MAP3K15: variants seen among roughly 807,000 people sequenced by gnomAD.
MAP3K15 encodes the protein MAPK/ERK kinase kinase 15.
A neutral mutation model predicts 99.5 loss-of-function variants in MAP3K15; 124 were observed. The observed-to-expected ratio is 1.25, with a 90% CI of 1.08 to 1.45. The LOEUF is 1.45. MAP3K15 is among the 40% of genes most tolerant of loss of function. The probability of loss-of-function intolerance (pLI) is 0.00; values close to 1 mark genes in which losing one functional copy is unlikely to be tolerated. For synonymous variants in MAP3K15, 494 were observed against 439.6 expected (o/e 1.12, Z -1.55); for missense variants, 1,242 against 1,079.7 (o/e 1.15, Z -2.11).
At position 19,488,913 on chromosome X, in the gene MAP3K15, T is replaced by C. The variant is rs931290479; in HGVS notation, c.416A>G (p.His139Arg). 4 of 1,199,180 alleles carry C rather than the reference T, an allele frequency of 3.3e-6. No individual in the cohort carries two copies. Among genetic ancestry groups the C allele is most frequent in the Admixed American group, 2.2e-5 (1 of 45,948 alleles). ...DVSRQPSLFY[H>R]LGVRESFDMA... ...GTCAAAGCTTTCTCGGACTCCAAGA[T>C]GGTAGAAGAGGGAAGGCTGTCTGGA... Residue 139 changes from histidine to arginine, a missense_variant, in exon 2 of 29, where the codon CAT becomes CGT. By Grantham distance (29) the His-to-Arg change is conservative (BLOSUM62 0). Coordinates refer to ENST00000338883, the MANE Select transcript of MAP3K15 (RefSeq NM_001001671.4).
intron 16 of MAP3K15, among the ~76,000 whole-genome samples, chrX:19,394,746 AT>A (rs1317684713): frequency 1.1e-5 from 1 of 91,753 alleles, no homozygotes; most frequent in Non-Finnish European, 2.1e-5. Flanking sequence ...CTTATATGAC[AT>A]TTGGAAAGTA....
intron 9 of MAP3K15, among the ~76,000 whole-genome samples, chrX:19,415,596 G>C (rs1033649385): frequency 9.0e-6 from 1 of 111,566 alleles, no homozygotes; most frequent in Non-Finnish European, 1.9e-5. Context: ...AACAACACAG[G>C]TATGAACTGC....
At chrX:19,366,946 G>A (rs1157714273) in intron 25 of MAP3K15, among the ~76,000 whole-genome samples, 1 of 111,732 alleles carries the variant, frequency 8.9e-6, no homozygotes, top group African/African-American at 3.3e-5. Context: ...TGAATTTGGT[G>A]ATTATAAATC....
At chrX:19,441,500 G>C (rs1032106743) in intron 6 of MAP3K15, among the ~76,000 whole-genome samples, 6 of 112,033 alleles carry the variant, frequency 5.4e-5, no homozygotes, top group Admixed American at 2.8e-4. Flanking sequence ...CTTTGAGACA[G>C]GGTTTGGGTC....
At chrX:19,420,713 T>G (rs1489208855) in intron 9 of MAP3K15, among the ~76,000 whole-genome samples, 9 of 111,636 alleles carry the variant, frequency 8.1e-5, no homozygotes, top group Non-Finnish European at 1.3e-4. Flanking sequence ...TACCAAAGCC[T>G]GGCAGAGACA....
At chrX:19,507,575 CAAAAAAAAAAA>C (rs1165492097) in intron 1 of MAP3K15, among the ~76,000 whole-genome samples, 32 of 10,894 alleles carry the variant, frequency 2.9e-3, no homozygotes, top group East Asian at 0.024. Flanking sequence ...CACCTTGTCT[CAAAAAAAAAAA>C]AAAAAAAAAA....
intron 11 of MAP3K15, 111 bp downstream of exon 11, chrX:19,413,246 T>C: frequency 1.9e-6 from 1 of 529,397 alleles, no homozygotes; most frequent in Non-Finnish European, 3.2e-6. Context: ...TACTCTCTCA[T>C]ATATTCTCAT....
intron 1 of MAP3K15, among the ~76,000 whole-genome samples, chrX:19,491,987 CTTTT>C (rs534024822): frequency 1.0e-5 from 1 of 97,416 alleles, no homozygotes; most frequent in African/African-American, 3.7e-5. Context: ...CACCTGGCTA[CTTTT>C]TTTTTTTTTT....
At chrX:19,415,018 T>C (rs2063722037) in intron 10 of MAP3K15, 89 bp downstream of exon 10, 1 of 796,175 alleles carries the variant, frequency 1.3e-6, no homozygotes, top group East Asian at 3.6e-5. Context: ...TCTACAGTTT[T>C]CTTCAGTTCA....
chrX:19,429,114 A>C (rs1278582689), intron 7 of MAP3K15, among the ~76,000 whole-genome samples: 1 of 111,720 alleles, frequency 9.0e-6, no homozygotes, highest in Non-Finnish European at 1.9e-5. Flanking sequence ...GGTAGTGGGA[A>C]ACAAGGCTAG....
At chrX:19,443,676 G>A (rs2063975931) in intron 6 of MAP3K15, among the ~76,000 whole-genome samples, 1 of 111,585 alleles carries the variant, frequency 9.0e-6, no homozygotes, top group Admixed American at 9.5e-5. Flanking sequence ...CGGGGGCACA[G>A]CATATGCTAA....
At chrX:19,389,341 A>G (rs1223834468) in intron 18 of MAP3K15, among the ~76,000 whole-genome samples, 2 of 107,899 alleles carry the variant, frequency 1.9e-5, no homozygotes, top group African/African-American at 3.4e-5. Context: ...GACCCTGGCT[A>G]TAACAGCCCT....
intron 3 of MAP3K15, among the ~76,000 whole-genome samples, chrX:19,473,646 G>C (rs1696020660): frequency 8.9e-6 from 1 of 111,744 alleles, no homozygotes; most frequent in Non-Finnish European, 1.9e-5. Context: ...TATAGTAAGT[G>C]AAGTCAGAGG....
At position 19,364,082 on chromosome X, in the gene MAP3K15, A is replaced by G. The variant is rs780533548; in HGVS notation, c.3567-1232T>C. ...CCCAGAATCCAGGACTGTGCCAAAC[A>G]CTGCATGAATTCAGTCACTGAAGCC... On this transcript the variant is annotated intron_variant, in intron 25 of 28. Coordinates refer to ENST00000338883, the MANE Select transcript of MAP3K15 (RefSeq NM_001001671.4). 2.7e-5 allele frequency among the ~76,000 whole-genome samples: 3 copies of G among 112,000 alleles called. No individual in the cohort carries two copies. The South Asian group carries it at 1.1e-3, about 41-fold the overall frequency.
At chrX:19,484,319 C>G (rs7884267) in intron 3 of MAP3K15, among the ~76,000 whole-genome samples, 21 of 111,181 alleles carry the variant, frequency 1.9e-4, no homozygotes, top group African/African-American at 5.6e-4. Context: ...GTGCTCCTTA[C>G]GAGAATCTAA....
chrX:19,476,229 C>CACTACTCAAGATGA (rs1488066358), intron 3 of MAP3K15, among the ~76,000 whole-genome samples: 3 of 111,908 alleles, frequency 2.7e-5, no homozygotes, highest in African/African-American at 9.8e-5. Context: ...AGCCACTTAA[C>CACTACTCAAGATGA]ACTACTCAAG....
chrX:19,506,626 G>A (rs757343173), intron 1 of MAP3K15, among the ~76,000 whole-genome samples: 195 of 111,345 alleles, frequency 1.8e-3, no homozygotes, highest in Non-Finnish European at 3.0e-3. Flanking sequence ...GGGTTCAAGC[G>A]ATTCTCCTGC....
At chrX:19,508,189 C>T (rs748605316) in intron 1 of MAP3K15, among the ~76,000 whole-genome samples, 12 of 110,474 alleles carry the variant, frequency 1.1e-4, no homozygotes, top group South Asian at 3.8e-4. Context: ...TTTTGTTTTT[C>T]GAAATGGAGT....
At chrX:19,487,172 G>GC (rs2064333890) in intron 2 of MAP3K15, among the ~76,000 whole-genome samples, 1 of 109,851 alleles carries the variant, frequency 9.1e-6, no homozygotes, top group Non-Finnish European at 1.9e-5. Flanking sequence ...CTAAACAGCT[G>GC]CCCTGTAAAA....
Sources: allele counts gnomAD v4.1 joint callset (sites outside exome capture counted in the v4.1 genomes callset), GRCh38; gene constraint gnomAD v4.1.1; transcripts MANE v1.5; gene names NCBI Gene and HGNC (gene_info 2026-07-23, HGNC 2026-07-21).